TCTN2: variants seen among roughly 807,000 people sequenced by gnomAD.
TCTN2 encodes tectonic family member 2, also known as tectonic-2.
A neutral mutation model predicts 83.4 loss-of-function variants in TCTN2; 66 were observed. That is an observed-to-expected ratio of 0.79 (90% CI 0.65 to 0.97). The LOEUF is 0.97. Ranked by LOEUF, TCTN2 falls within the 50% of genes least tolerant of loss-of-function variation. The pLI is 0.00. For synonymous variants in TCTN2, 301 were observed against 326.7 expected, an observed-to-expected ratio of 0.92 and a Z score of 0.85; for missense variants, 794 against 858.1, an observed-to-expected ratio of 0.93 and a Z score of 0.93.
chr12:123,699,128 A>C (rs965395023), intron 13 of TCTN2, among the ~76,000 whole-genome samples: 1 of 151,412 alleles, frequency 6.6e-6, no homozygotes, highest in African/African-American at 2.4e-5. Context: ...TTTGTGAACC[A>C]TGTGATTCCC....
chr12:123,708,036 G>C lies in TCTN2; in HGVS notation c.*323G>C. ...TTTTTTTTTTTTTTTTTTTTGAGGC[G>C]GGGTCTCTGTCACCCAGGCTGGAGT... On this transcript the variant is annotated 3_prime_UTR_variant, in exon 18 of 18. Coordinates refer to ENST00000303372, the MANE Select transcript of TCTN2 (RefSeq NM_024809.5). 1 of 229,440 alleles carries C rather than the reference G, an allele frequency of 4.4e-6. No homozygotes were observed. Among genetic ancestry groups the C allele is most frequent in the Non-Finnish European group, 7.6e-6 (1 of 131,770 alleles). 14.2% of individuals were successfully genotyped at this position (229,440 alleles called of 1,614,324 possible). A position where few individuals can be genotyped will look rare whatever the true frequency, so the allele number is the denominator to read the frequency against.
chr12:123,686,573 A>G (rs1476469258), intron 5 of TCTN2, among the ~76,000 whole-genome samples: 1 of 152,164 alleles, frequency 6.6e-6, no homozygotes, highest in African/African-American at 2.4e-5. Flanking sequence ...TACTGGGAAT[A>G]TCTCATGTCC....
At chr12:123,702,238 C>T (rs1956180942) in intron 14 of TCTN2, among the ~76,000 whole-genome samples, 1 of 152,180 alleles carries the variant, frequency 6.6e-6, no homozygotes, top group Admixed American at 6.5e-5. Flanking sequence ...TTTGCCCCTG[C>T]CCAGCTCTCC....
intron 5 of TCTN2, among the ~76,000 whole-genome samples, chr12:123,685,623 T>A (rs1955954985): frequency 6.6e-6 from 1 of 152,052 alleles, no homozygotes; most frequent in African/African-American, 2.4e-5. Context: ...TTCACCATGT[T>A]GGCCAGGCTG....
At chr12:123,703,525 C>T (rs940292737) in intron 14 of TCTN2, among the ~76,000 whole-genome samples, 2 of 152,064 alleles carry the variant, frequency 1.3e-5, no homozygotes, top group African/African-American at 4.8e-5. Flanking sequence ...CACTTTTGTC[C>T]AGGCTGGAAT....
At position 123,696,344 on chromosome 12, in the gene TCTN2, T is replaced by C. The variant is rs1026802703; in HGVS notation, c.1313-71T>C. 5.7e-6 allele frequency: 7 copies of C among 1,237,444 alleles called. No individual in the cohort carries two copies. In the African/African-American group the frequency reaches 5.9e-5, roughly 10 times the overall value. 76.7% of individuals were successfully genotyped at this position (1,237,444 alleles called of 1,614,324 possible). A position where few individuals can be genotyped will look rare whatever the true frequency, so the allele number is the denominator to read the frequency against. On this transcript the variant is annotated intron_variant, in intron 11 of 17. Transcript: ENST00000303372. ...TTTCTTTCCTTGTGCATGACTCTTG[T>C]ATTATTTGCAGAGTTAGGGCTTGCT...
intron 1 of TCTN2, 64 bp from the exon 2 acceptor site, chr12:123,671,443 A>G: frequency 6.3e-7 from 1 of 1,594,152 alleles, no homozygotes; most frequent in South Asian, 1.1e-5. Flanking sequence ...AAGCCGCCAC[A>G]CACACCTTAG....
At chr12:123,694,279 C>T (rs1956081553) in intron 9 of TCTN2, among the ~76,000 whole-genome samples, 1 of 152,130 alleles carries the variant, frequency 6.6e-6, no homozygotes. Flanking sequence ...AGGCGTGAGC[C>T]ACCGCACCCG....
chr12:123,690,310 C>T (rs1377624797), intron 7 of TCTN2, among the ~76,000 whole-genome samples: 2 of 152,266 alleles, frequency 1.3e-5, no homozygotes, highest in South Asian at 2.1e-4. Flanking sequence ...TTTTATTAGA[C>T]AATATTTACT....
At chr12:123,697,292 A>G (rs1956121613) in intron 13 of TCTN2, 94 bp downstream of exon 13, 1 of 897,120 alleles carries the variant, frequency 1.1e-6, no homozygotes. Context: ...GAATATGAAA[A>G]ATTAGAGTCA....
chr12:123,704,775 A>T, intron 15 of TCTN2, 87 bp downstream of exon 15: 2 of 1,439,072 alleles, frequency 1.4e-6, no homozygotes, highest in South Asian at 2.3e-5. Context: ...TTTATTTAGA[A>T]ACTGATTGTT....
At chr12:123,682,246 A>T (rs574165210) in intron 5 of TCTN2, among the ~76,000 whole-genome samples, 1 of 152,330 alleles carries the variant, frequency 6.6e-6, no homozygotes, top group South Asian at 2.1e-4. Context: ...TGCAGGGATT[A>T]TAGGCGTGAG....
intron 11 of TCTN2, chr12:123,696,099 C>T: frequency 5.7e-6 from 2 of 347,896 alleles, no homozygotes; most frequent in Admixed American, 4.2e-5. Context: ...CCACCTCGGC[C>T]TCCCAAAGTG....
intron 14 of TCTN2, among the ~76,000 whole-genome samples, chr12:123,701,513 TG>T (rs1956172043): frequency 6.6e-6 from 1 of 151,120 alleles, no homozygotes; most frequent in Admixed American, 6.6e-5. Context: ...CCGAGGCGGG[TG>T]GATCACGAGG....
intron 14 of TCTN2, among the ~76,000 whole-genome samples, chr12:123,702,659 C>G (rs138098518): frequency 0.01 from 1,560 of 152,282 alleles, 21 homozygotes; most frequent in Non-Finnish European, 0.015. Flanking sequence ...GCCCTGGGCT[C>G]TGCCACCCAG....
chr12:123,704,499 C>A (rs764977849), intron 14 of TCTN2, 33 bp from the exon 15 acceptor site: 11 of 1,578,178 alleles, frequency 7.0e-6, no homozygotes, highest in East Asian at 2.3e-5. Flanking sequence ...TCAAATTATT[C>A]TTTGAAAAGT....
intron 4 of TCTN2, among the ~76,000 whole-genome samples, chr12:123,675,034 C>T (rs1955804115): frequency 6.6e-6 from 1 of 152,082 alleles, no homozygotes; most frequent in Admixed American, 6.6e-5. Flanking sequence ...TGCACCACCA[C>T]ACCTGGCTAG....
chr12:123,691,240 C>G (rs989712682), intron 8 of TCTN2, among the ~76,000 whole-genome samples: 3 of 152,164 alleles, frequency 2.0e-5, no homozygotes, highest in African/African-American at 4.8e-5. Flanking sequence ...ACCATCACCT[C>G]TCTCTAGTTC....
intron 13 of TCTN2, among the ~76,000 whole-genome samples, chr12:123,699,154 CA>C (rs1280073309): frequency 2.9e-5 from 4 of 136,512 alleles, no homozygotes; most frequent in South Asian, 2.3e-4. Flanking sequence ...AAGTTACTAA[CA>C]TTTTTTTTTT....
Sources: gnomAD v4.1 joint callset for allele counts (sites outside exome capture counted in the v4.1 genomes callset) on GRCh38, gnomAD v4.1.1 for gene constraint, MANE v1.5 for transcripts, NCBI Gene and HGNC (gene_info 2026-07-23, HGNC 2026-07-21) for gene names.